Variants in HTR2A observed in about 807,000 individuals in gnomAD.
The protein encoded by HTR2A is 5-HT2 receptor.
HTR2A carries 14 observed loss-of-function variants against 31.0 expected under a neutral mutation model. That is an observed-to-expected ratio of 0.45 (90% CI 0.30 to 0.71). The LOEUF (loss-of-function observed/expected upper bound fraction) is 0.71. Ranked by LOEUF, HTR2A falls within the 30% of genes least tolerant of loss-of-function variation. The pLI, the probability that HTR2A is intolerant of heterozygous loss-of-function variation, is 0.09. For synonymous variants in HTR2A, 209 were observed against 225.2 expected (o/e 0.93, Z 0.64); for missense variants, 442 against 573.3 (o/e 0.77, Z 2.34).
intron 3 of HTR2A, among the ~76,000 whole-genome samples, chr13:46,869,754 A>G (rs34420017): frequency 0.18 from 27,710 of 152,128 alleles, 2,794 homozygotes; most frequent in Non-Finnish European, 0.21. Context: ...TCTGATATGT[A>G]CTATACTACA....
rs1189539293 is a variant in HTR2A, at chr13:46,895,358, C to CAT, written c.412+135_412+136dup. The CAT allele has an allele frequency of 8.3e-6, 6 of 720,470 alleles. No individual in the cohort carries two copies. The highest frequency in any genetic ancestry group is 1.1e-5 in the Non-Finnish European group (5 of 445,080). The allele number at this position is 720,470 out of a possible 1,614,324, so 44.6% of individuals were successfully genotyped here. ...CATTTTAAGAGTAAAATATAAGTAACATAGTAGGCTCTAGTCTATAAACAA... is the reference window on the plus strand; with the variant it reads ...CATTTTAAGAGTAAAATATAAGTAACATATAGTAGGCTCTAGTCTATAAACAA... On this transcript the variant is annotated intron_variant, in intron 2 of 3. Transcript: ENST00000542664. The surrounding 1 kb of genome is among the most constrained non-coding windows in gnomAD (Gnocchi z 4.4).
Position 46,892,566 on chromosome 13 carries a change from T to G in HTR2A, c.437A>C (p.Lys146Thr). The change falls in exon 3 of 4, where the codon AAG becomes ACG. Residue 146 changes from lysine to threonine, a missense_variant. Around this residue, in one of 5 missense-constraint regions of HTR2A, gnomAD observed 86 missense variants for 179.1 expected, o/e 0.48. Transcript: ENST00000542664. ...LYGYRWPLPS[K>T]LCAVWIYLDV... ...CAGGTAAATCCAGACTGCACAAAGCTTGCTCGGCAGAGGCCACCGGTACCC... is the reference window on the plus strand; with the variant it reads ...CAGGTAAATCCAGACTGCACAAAGCGTGCTCGGCAGAGGCCACCGGTACCC... 6.2e-7 allele frequency: 1 copy of G among 1,614,204 alleles called. No homozygotes were observed. Among genetic ancestry groups the G allele is most frequent in the South Asian group, 1.1e-5 (1 of 91,084 alleles).
chr13:46,850,450 T>G (rs1472983031), intron 3 of HTR2A, among the ~76,000 whole-genome samples: 1 of 152,222 alleles, frequency 6.6e-6, no homozygotes, highest in Non-Finnish European at 1.5e-5. Context: ...TGTCACACAG[T>G]AAGTGCTGAA....
intron 3 of HTR2A, among the ~76,000 whole-genome samples, chr13:46,848,012 A>G (rs1950656338): frequency 6.6e-6 from 1 of 152,004 alleles, no homozygotes; most frequent in South Asian, 2.1e-4. Flanking sequence ...TTATCACTCA[A>G]CAGTCTGGTT....
intron 3 of HTR2A, among the ~76,000 whole-genome samples, chr13:46,863,943 TTC>T (rs1329582072): frequency 6.6e-6 from 1 of 152,150 alleles, no homozygotes; most frequent in Non-Finnish European, 1.5e-5. Context: ...ATATAAATTA[TTC>T]TGTTATAAAG....
intron 3 of HTR2A, among the ~76,000 whole-genome samples, chr13:46,877,030 G>T (rs1950919230): frequency 6.6e-6 from 1 of 152,122 alleles, no homozygotes; most frequent in African/African-American, 2.4e-5. Flanking sequence ...TCTGGATGAA[G>T]GGGAAAACAT....
intron 3 of HTR2A, among the ~76,000 whole-genome samples, chr13:46,872,559 T>A (rs1274164614): frequency 1.3e-5 from 2 of 152,172 alleles, no homozygotes; most frequent in East Asian, 1.9e-4. Flanking sequence ...TTAGTTATGA[T>A]TTGTTATGTC....
chr13:46,865,373 A>G (rs893601043), intron 3 of HTR2A, among the ~76,000 whole-genome samples: 3 of 152,242 alleles, frequency 2.0e-5, no homozygotes, highest in Non-Finnish European at 4.4e-5. Context: ...ATGACAAAAA[A>G]TAAAATATTA....
chr13:46,849,893 T>C (rs1950669418), intron 3 of HTR2A, among the ~76,000 whole-genome samples: 1 of 152,244 alleles, frequency 6.6e-6, no homozygotes, highest in Admixed American at 6.5e-5. Context: ...GCATGGCACA[T>C]AGTATTTAAA....
chr13:46,848,465 CTGTG>C lies in HTR2A; in HGVS notation c.614-12830_614-12827del, dbSNP rs1338134851. Among the ~76,000 whole-genome samples, 5 of 152,266 alleles carry C rather than the reference CTGTG, an allele frequency of 3.3e-5. No homozygotes were observed. The South Asian group carries it at 1.0e-3, about 32-fold the overall frequency. Reference sequence around the variant, plus strand: ...AGTCAAGGTAGAACTGTTAAGCTCTCTGTGTAAGTTTAATAGGTAAAAAGTGGGG... The same window carrying C: ...AGTCAAGGTAGAACTGTTAAGCTCTCTAAGTTTAATAGGTAAAAAGTGGGG... On this transcript the variant is annotated intron_variant, in intron 3 of 3. Transcript: ENST00000542664.
intron 3 of HTR2A, among the ~76,000 whole-genome samples, chr13:46,857,958 T>C (rs1256133515): frequency 6.6e-6 from 1 of 152,024 alleles, no homozygotes; most frequent in Non-Finnish European, 1.5e-5. Context: ...GTGGGTGGAT[T>C]AGAGGGAAAC....
At chr13:46,867,405 G>A (rs569552731) in intron 3 of HTR2A, among the ~76,000 whole-genome samples, 2 of 152,102 alleles carry the variant, frequency 1.3e-5, no homozygotes, top group South Asian at 2.1e-4. Flanking sequence ...CTCAGGAAAG[G>A]GATCATTTTC....
At chr13:46,868,425 G>C (rs1372013374) in intron 3 of HTR2A, among the ~76,000 whole-genome samples, 1 of 152,236 alleles carries the variant, frequency 6.6e-6, no homozygotes, top group East Asian at 1.9e-4. Flanking sequence ...GAAGTTCATA[G>C]ATTTGAGGGG....
chr13:46,892,337 A>G (rs990718470), intron 3 of HTR2A, 53 bp downstream of exon 3: 45 of 1,546,390 alleles, frequency 2.9e-5, no homozygotes, highest in Non-Finnish European at 3.6e-5. Context: ...AAGTCTTTTC[A>G]GAAAGCACGA....
intron 3 of HTR2A, among the ~76,000 whole-genome samples, chr13:46,866,691 A>G (rs1950820715): frequency 1.3e-5 from 2 of 152,216 alleles, no homozygotes; most frequent in East Asian, 1.9e-4. Context: ...AGCAAGAGGA[A>G]CTGAAAATAA....
chr13:46,858,265 C>T (rs987652452), intron 3 of HTR2A, among the ~76,000 whole-genome samples: 26 of 152,032 alleles, frequency 1.7e-4, no homozygotes, highest in African/African-American at 6.0e-4. Flanking sequence ...GCTTGGAAAA[C>T]AGGTACCTGA....
At chr13:46,847,821 C>T (rs971192096) in intron 3 of HTR2A, among the ~76,000 whole-genome samples, 1 of 152,072 alleles carries the variant, frequency 6.6e-6, no homozygotes, top group Non-Finnish European at 1.5e-5. Flanking sequence ...CTCTGGGATT[C>T]GGATAAAAAT....
chr13:46,835,181 T>C lies in HTR2A; in HGVS notation c.1072A>G (p.Ile358Val). ...ACAAACACATTGAGCAGGGCCCCAA[T>C]GACATCCTCATTGCAGGACTCTTTG... ...ICKESCNEDV[I>V]GALLNVFVWI... Residue 358 changes from isoleucine (I) to valine (V), a missense_variant, in exon 4 of 4, where the codon ATT becomes GTT. Transcript: ENST00000542664. 6.2e-7 allele frequency: 1 copy of C among 1,614,078 alleles called. No homozygotes were observed. Among genetic ancestry groups the C allele is most frequent in the Non-Finnish European group, 8.5e-7 (1 of 1,179,986 alleles).
chr13:46,866,253 G>C (rs2138220728), intron 3 of HTR2A, among the ~76,000 whole-genome samples: 1 of 152,262 alleles, frequency 6.6e-6, no homozygotes, highest in South Asian at 2.1e-4. Context: ...GACTCAGTTA[G>C]ATTAAGCAAT....
Sources: gnomAD v4.1 joint callset for allele counts (sites outside exome capture counted in the v4.1 genomes callset) on GRCh38, gnomAD v4.1.1 for gene constraint, gnomAD v4.1.1 regional missense constraint, Gnocchi (gnomAD v3.1) non-coding constraint, MANE v1.5 for transcripts, NCBI Gene and HGNC (gene_info 2026-07-23, HGNC 2026-07-21) for gene names.